Variants in BICD1 observed in about 807,000 individuals in gnomAD.
BICD1 encodes the protein BICD cargo adaptor 1, also known as protein bicaudal D homolog 1.
In BICD1, 35 loss-of-function variants were observed where a neutral mutation model predicts 92.5. The observed-to-expected ratio is 0.38, with a 90% confidence interval of 0.29 to 0.50. The LOEUF (loss-of-function observed/expected upper bound fraction) is 0.50. BICD1 is among the 20% of genes least tolerant of loss of function. BICD1 has a pLI of 0.93. For missense variants in BICD1, 950 were observed against 1,189.8 expected (o/e 0.80, Z 2.97); for synonymous variants, 429 against 465.1 (o/e 0.92, Z 1.00).
chr12:32,213,361 ATGT>A (rs1432646416), intron 1 of BICD1, among the ~76,000 whole-genome samples: 2 of 152,296 alleles, frequency 1.3e-5, no homozygotes, highest in East Asian at 1.9e-4. Context: ...CACTGAAGTG[ATGT>A]TGTGCCCTTC....
chr12:32,369,222 C>G (rs777036735), intron 9 of BICD1, among the ~76,000 whole-genome samples: 2 of 152,232 alleles, frequency 1.3e-5, no homozygotes, highest in Non-Finnish European at 2.9e-5. Context: ...AACCTCCACA[C>G]AGCGTCTCAG....
At position 32,279,475 on chromosome 12, in the gene BICD1, A is replaced by G. The variant is rs544463163; in HGVS notation, c.427-14519A>G. On this transcript the variant is annotated intron_variant, in intron 2 of 9. Transcript: ENST00000652176. Reference sequence around the variant, plus strand: ...TCCACCCAATTAAAATGCAATGTCAATACGTATTCGTTTATTTTATTGCTT... The same window carrying G: ...TCCACCCAATTAAAATGCAATGTCAGTACGTATTCGTTTATTTTATTGCTT... Among the ~76,000 whole-genome samples, 8 of 152,356 alleles carry G rather than the reference A, an allele frequency of 5.3e-5. No individual in the cohort carries two copies. In the East Asian group the frequency reaches 1.3e-3, roughly 26 times the overall value.
At chr12:32,315,276 T>C (rs1384322170) in intron 4 of BICD1, among the ~76,000 whole-genome samples, 1 of 152,244 alleles carries the variant, frequency 6.6e-6, no homozygotes, top group Admixed American at 6.5e-5. Context: ...TGGTCATAGA[T>C]GTATATATGG....
At chr12:32,318,645 G>A (rs1011589332) in intron 4 of BICD1, among the ~76,000 whole-genome samples, 5 of 152,026 alleles carry the variant, frequency 3.3e-5, no homozygotes, top group African/African-American at 7.2e-5. Context: ...ACCTGAGGTC[G>A]GGAGTTTGAG....
chr12:32,158,308 A>G (rs1202147795), intron 1 of BICD1, among the ~76,000 whole-genome samples: 2 of 151,548 alleles, frequency 1.3e-5, no homozygotes, highest in African/African-American at 2.4e-5. Context: ...GGGTTTTGCC[A>G]TGTTGGCCAG....
intron 1 of BICD1, among the ~76,000 whole-genome samples, chr12:32,209,632 A>G (rs1418043062): frequency 6.6e-6 from 1 of 152,214 alleles, no homozygotes; most frequent in African/African-American, 2.4e-5. Flanking sequence ...AGAGACTGTA[A>G]AGAACTGCCA....
At chr12:32,306,842 C>T (rs1948242051) in intron 4 of BICD1, among the ~76,000 whole-genome samples, 1 of 151,458 alleles carries the variant, frequency 6.6e-6, no homozygotes. Context: ...TGGTAAAACC[C>T]CATCGCTACT....
In BICD1 at chr12:32,216,402, C is replaced by A; in HGVS notation, c.369C>A (p.Val123=). 1.9e-6 allele frequency: 3 copies of A among 1,614,082 alleles called. No individual in the cohort carries two copies. Among genetic ancestry groups the A allele is most frequent in the Non-Finnish European group, 2.5e-6 (3 of 1,180,030 alleles). The part of the protein sequence containing the change: ...QNELKQSRAV[V]TNVQAENERL... ...AGCTGAAACAGAGCCGGGCTGTGGT[C>A]ACTAATGTACAGGCAGAAAACGAGA... Residue 123 remains valine, a synonymous_variant, in exon 2 of 10, where the codon GTC becomes GTA. Transcript: ENST00000652176.
intron 1 of BICD1, among the ~76,000 whole-genome samples, chr12:32,139,153 G>A (rs1366546773): frequency 3.9e-5 from 6 of 152,094 alleles, no homozygotes; most frequent in African/African-American, 9.7e-5. Flanking sequence ...TCATAATTTA[G>A]GGGGCTGTCT....
At chr12:32,213,789 C>T (rs1029236272) in intron 1 of BICD1, among the ~76,000 whole-genome samples, 1 of 152,136 alleles carries the variant, frequency 6.6e-6, no homozygotes, top group Non-Finnish European at 1.5e-5. Flanking sequence ...TGGTGTCTAC[C>T]AGGTTTCTCC....
At chr12:32,132,867 T>C (rs902145706) in intron 1 of BICD1, among the ~76,000 whole-genome samples, 6 of 152,156 alleles carry the variant, frequency 3.9e-5, no homozygotes, top group African/African-American at 1.4e-4. Context: ...TAGGAGGCTA[T>C]TGCAGTAGTT....
At chr12:32,125,689 G>T (rs1254670253) in intron 1 of BICD1, among the ~76,000 whole-genome samples, 1 of 152,094 alleles carries the variant, frequency 6.6e-6, no homozygotes, top group Non-Finnish European at 1.5e-5. Context: ...TGAATGAGTC[G>T]ACTACTTGGT....
At chr12:32,133,095 A>G (rs972784589) in intron 1 of BICD1, among the ~76,000 whole-genome samples, 1 of 152,190 alleles carries the variant, frequency 6.6e-6, no homozygotes, top group Non-Finnish European at 1.5e-5. Flanking sequence ...ATAAAATAAT[A>G]TTTCACACTT....
intron 1 of BICD1, among the ~76,000 whole-genome samples, chr12:32,180,943 T>C (rs2650123): frequency 0.47 from 71,062 of 151,500 alleles, 17,566 homozygotes; most frequent in Admixed American, 0.58. Flanking sequence ...ACCAAATTTT[T>C]TTTTTTAATT....
chr12:32,215,721 G>A (rs139420187), intron 1 of BICD1, among the ~76,000 whole-genome samples: 8,252 of 151,916 alleles, frequency 0.054, 350 homozygotes, highest in Non-Finnish European at 0.074. Context: ...AGGCTGAGAC[G>A]GGCGGATCAC....
At chr12:32,192,458 ATAG>A (rs1302612075) in intron 1 of BICD1, among the ~76,000 whole-genome samples, 2,174 of 147,078 alleles carry the variant, frequency 0.015, 48 homozygotes, top group African/African-American at 0.051. Flanking sequence ...AAATAAATAG[ATAG>A]ATAGATAGAT....
At chr12:32,133,590 G>C (rs1217930231) in intron 1 of BICD1, among the ~76,000 whole-genome samples, 1 of 152,084 alleles carries the variant, frequency 6.6e-6, no homozygotes, top group Admixed American at 6.6e-5. Flanking sequence ...AATGCTCTAT[G>C]ATGTAATTTA....
chr12:32,230,868 G>A (rs1019271555), intron 2 of BICD1, among the ~76,000 whole-genome samples: 1 of 85,876 alleles, frequency 1.2e-5, no homozygotes, highest in Non-Finnish European at 2.2e-5. Context: ...ATGCACATCT[G>A]TGAAATTATC....
Position 32,115,386 on chromosome 12 carries a change from G to GTTTTTTTTTTTTT in BICD1, c.213+7842_213+7843insTTTTTTTTTTTTT, listed in dbSNP as rs149711623. 1.5e-4 allele frequency among the ~76,000 whole-genome samples: 15 copies of GTTTTTTTTTTTTT among 97,722 alleles called. 1 individual carries two copies. Among genetic ancestry groups the GTTTTTTTTTTTTT allele is most frequent in the Admixed American group, 3.8e-4 (4 of 10,568 alleles). The allele number at this position is 97,722 out of a possible 152,430, so 64.1% of individuals were successfully genotyped here. A position where few individuals can be genotyped will look rare whatever the true frequency, so the allele number is the denominator to read the frequency against. On this transcript the variant is annotated intron_variant, in intron 1 of 9. Coordinates refer to ENST00000652176, the MANE Select transcript of BICD1 (RefSeq NM_001714.4). ...GGGTTTTTGTGTGTGTGGTGTTTTT[G>GTTTTTTTTTTTTT]GTTTTTTTTTTTTTGCTGTTTTTCT...
Sources: gnomAD v4.1 joint callset for allele counts (sites outside exome capture counted in the v4.1 genomes callset) on GRCh38, gnomAD v4.1.1 for gene constraint, MANE v1.5 for transcripts, NCBI Gene and HGNC (gene_info 2026-07-23, HGNC 2026-07-21) for gene names.